Variants in THSD4 observed in about 807,000 individuals in gnomAD.
THSD4 encodes thrombospondin type 1 domain containing 4.
THSD4 carries 69 observed loss-of-function variants against 119.0 expected under a neutral mutation model. That is an observed-to-expected ratio of 0.58 (90% confidence interval 0.48 to 0.71). The LOEUF is 0.71. Among genes scored for constraint, THSD4 ranks in the 30% least tolerant of loss-of-function variants. The pLI, the probability that THSD4 is intolerant of heterozygous loss-of-function variation, is 0.00. For missense variants in THSD4, 1,393 were observed against 1,391.1 expected, an observed-to-expected ratio of 1.00 and a Z score of -0.02; for synonymous variants, 524 against 540.4, an observed-to-expected ratio of 0.97 and a Z score of 0.42.
chr15:71,650,622 A>G (rs1485361178), intron 7 of THSD4, among the ~76,000 whole-genome samples: 3 of 152,182 alleles, frequency 2.0e-5, no homozygotes, highest in African/African-American at 7.2e-5. Flanking sequence ...AAAATAGCAG[A>G]AGCAGGAAGA....
At chr15:71,238,572 T>C (rs1328048146) in intron 4 of THSD4, among the ~76,000 whole-genome samples, 1 of 152,228 alleles carries the variant, frequency 6.6e-6, no homozygotes, top group East Asian at 1.9e-4. Flanking sequence ...TCTGGCTTCT[T>C]TCACTTCTTT....
chr15:71,111,288 T>G (rs745493761), upstream of THSD4: 7 of 1,613,906 alleles, frequency 4.3e-6, no homozygotes, highest in Middle Eastern at 1.6e-4. Flanking sequence ...ACATTCCGTC[T>G]GGAAACCATT....
intron 7 of THSD4, among the ~76,000 whole-genome samples, chr15:71,549,343 C>T (rs192915090): frequency 4.6e-5 from 7 of 152,150 alleles, no homozygotes; most frequent in Non-Finnish European, 7.4e-5. Flanking sequence ...CCTCTTTCCC[C>T]TAGTGTGTGC....
intron 7 of THSD4, among the ~76,000 whole-genome samples, chr15:71,625,540 G>A (rs777925230): frequency 4.6e-5 from 7 of 152,186 alleles, no homozygotes; most frequent in Non-Finnish European, 8.8e-5. Flanking sequence ...TTGGGTACTA[G>A]AGACTATGAT....
intron 7 of THSD4, among the ~76,000 whole-genome samples, chr15:71,435,261 T>G: frequency 6.6e-6 from 1 of 152,220 alleles, no homozygotes; most frequent in Non-Finnish European, 1.5e-5. Context: ...TTCAGAATCC[T>G]AGTCACTAAA....
At chr15:71,693,398 G>A (rs1008528535) in intron 8 of THSD4, among the ~76,000 whole-genome samples, 1 of 152,200 alleles carries the variant, frequency 6.6e-6, no homozygotes, top group African/African-American at 2.4e-5. Flanking sequence ...TGTAATCCCA[G>A]CACTTTGGGA....
intron 7 of THSD4, among the ~76,000 whole-genome samples, chr15:71,642,944 G>A (rs8034101): frequency 0.37 from 55,689 of 151,708 alleles, 11,020 homozygotes; most frequent in East Asian, 0.83. Flanking sequence ...AAAACTTAAA[G>A]TATAATAATA....
intron 3 of THSD4, chr15:71,184,341 C>T (rs1210769315): frequency 1.3e-5 from 2 of 151,654 alleles, no homozygotes; most frequent in Admixed American, 6.6e-5. Flanking sequence ...AGCAGGTGTC[C>T]CAAAATCTCA....
chr15:71,307,485 A>T (rs2045046462), intron 6 of THSD4, among the ~76,000 whole-genome samples: 1 of 152,230 alleles, frequency 6.6e-6, no homozygotes, highest in Admixed American at 6.5e-5. Context: ...TTAAAAACCC[A>T]TTCAGGCCAG....
intron 7 of THSD4, among the ~76,000 whole-genome samples, chr15:71,429,365 A>G (rs914674918): frequency 4.6e-5 from 7 of 152,194 alleles, no homozygotes; most frequent in East Asian, 1.9e-4. Context: ...AGAGCAGACA[A>G]TGGGTGGTAA....
intron 7 of THSD4, among the ~76,000 whole-genome samples, chr15:71,646,985 G>A (rs1003680803): frequency 1.3e-5 from 2 of 152,190 alleles, no homozygotes; most frequent in African/African-American, 4.8e-5. Flanking sequence ...GTCTTTGGAA[G>A]ATAAATGTCA....
At chr15:71,189,985 T>C (rs1481892061) in intron 3 of THSD4, among the ~76,000 whole-genome samples, 1 of 152,184 alleles carries the variant, frequency 6.6e-6, no homozygotes, top group Non-Finnish European at 1.5e-5. Flanking sequence ...GCTCCTGGAC[T>C]CTGCATGCTC....
At chr15:71,435,093 C>A (rs1291030345) in intron 7 of THSD4, among the ~76,000 whole-genome samples, 3 of 152,020 alleles carry the variant, frequency 2.0e-5, no homozygotes, top group Admixed American at 6.5e-5. Context: ...ATGTGTGCTC[C>A]AAAAAGTCAA....
intron 6 of THSD4, 131 bp downstream of exon 6, chr15:71,256,846 C>T (rs1035420780): frequency 2.6e-6 from 2 of 760,842 alleles, no homozygotes; most frequent in African/African-American, 3.5e-5. Context: ...AGTGTGACTC[C>T]AGGGCAAAGA....
chr15:71,208,458 C>T (rs1294680647), intron 3 of THSD4, among the ~76,000 whole-genome samples: 1 of 152,076 alleles, frequency 6.6e-6, no homozygotes, highest in Non-Finnish European at 1.5e-5. Context: ...TACACTGCTT[C>T]TCTAACTTCT....
chr15:71,340,217 A>G (rs943408444), intron 6 of THSD4, among the ~76,000 whole-genome samples: 23 of 152,322 alleles, frequency 1.5e-4, no homozygotes, highest in African/African-American at 5.1e-4. Flanking sequence ...GTGCGGGTAC[A>G]CCTGCTCCTT....
chr15:71,166,721 T>C (rs2043298304), intron 3 of THSD4, among the ~76,000 whole-genome samples: 1 of 152,138 alleles, frequency 6.6e-6, no homozygotes, highest in South Asian at 2.1e-4. Context: ...CATCAGTAAC[T>C]CCAGTCAAAG....
chr15:71,165,351 C>T (rs1596234846), intron 3 of THSD4: 8 of 1,521,792 alleles, frequency 5.3e-6, no homozygotes, highest in Middle Eastern at 1.8e-4. Context: ...CTCCTCCCGA[C>T]GTTTGCACAA....
At chr15:71,591,669 C>A (rs1219623420) in intron 7 of THSD4, among the ~76,000 whole-genome samples, 1 of 151,834 alleles carries the variant, frequency 6.6e-6, no homozygotes, top group Non-Finnish European at 1.5e-5. Context: ...CCCAGTGTAA[C>A]CTTCTGCAAG....
Sources: gnomAD v4.1 joint callset for allele counts (sites outside exome capture counted in the v4.1 genomes callset) on GRCh38, gnomAD v4.1.1 for gene constraint, MANE v1.5 for transcripts, NCBI Gene and HGNC (gene_info 2026-07-23, HGNC 2026-07-21) for gene names.